Variants in TIE1 observed in about 807,000 individuals in gnomAD.
TIE1 encodes the protein tyrosine kinase with immunoglobulin like and EGF like domains 1.
A neutral mutation model predicts 130.5 loss-of-function variants in TIE1; 89 were observed. The ratio of observed to expected loss-of-function variants is 0.68; its 90% CI spans 0.57 to 0.81. TIE1 has a LOEUF of 0.81. Ranked by LOEUF, TIE1 falls within the 40% of genes least tolerant of loss-of-function variation. TIE1 has a pLI of 0.00. For synonymous variants in TIE1, 568 were observed against 629.4 expected (o/e 0.90, Z 1.46); for missense variants, 1,392 against 1,559.8 (o/e 0.89, Z 1.81).
Position 43,309,083 on chromosome 1 carries a change from C to T in TIE1, c.1140C>T (p.Pro380=), listed in dbSNP as rs745544124. 3.0e-5 allele frequency: 48 copies of T among 1,613,546 alleles called. No individual in the cohort carries two copies. The South Asian group carries it at 3.3e-4, about 11-fold the overall frequency. ...INCAAAGNPF[P]VRGSIELRKP... is the part of the protein sequence containing the mutation. ...GTGCAGCTGCAGGGAACCCCTTCCCCGTGCGGGGCAGCATAGAGCTACGCA... is the reference window on the plus strand; with the variant it reads ...GTGCAGCTGCAGGGAACCCCTTCCCTGTGCGGGGCAGCATAGAGCTACGCA... The change falls in exon 8 of 23, where the codon CCC becomes CCT. Residue 380 remains proline, a synonymous_variant. Transcript: ENST00000372476. The surrounding 1 kb of genome is among the most constrained non-coding windows in gnomAD (Gnocchi z 6.3).
rs1156611691 is a variant in TIE1, at chr1:43,311,808, A to G, written c.1471A>G (p.Met491Val). The G allele has an allele frequency of 6.2e-7, 1 of 1,613,612 alleles. No individual in the cohort carries two copies. The highest frequency in any genetic ancestry group is 1.1e-5 in the South Asian group (1 of 91,034). ...GCACTACCGGCCCCAGGACAGTACCATGGACTGGTCGACCATTGTGGGTGA... is the reference window on the plus strand; with the variant it reads ...GCACTACCGGCCCCAGGACAGTACCGTGGACTGGTCGACCATTGTGGGTGA... ...RLHYRPQDST[M>V]DWSTIVVDPS... is the part of the protein sequence containing the mutation. The change falls in exon 10 of 23, where the codon ATG becomes GTG. Residue 491 changes from methionine (M) to valine (V), a missense_variant. Met to Val is a conservative substitution (Grantham distance 21, BLOSUM62 1). Transcript: ENST00000372476.
Position 43,307,853 on chromosome 1 carries a change from G to A in TIE1, c.971G>A (p.Gly324Asp), listed in dbSNP as rs377710471. ...CGACTCCAGTGCCAGTGTCAGAATG[G>A]TGGCACTTGTGACCGGTTCAGTGGT... The part of the protein sequence containing the change: ...DCRLQCQCQN[G>D]GTCDRFSGCV... The change falls in exon 7 of 23, where the codon GGT becomes GAT. Residue 324 changes from glycine (G) to aspartate (D), a missense_variant. Coordinates refer to ENST00000372476, the MANE Select transcript of TIE1 (RefSeq NM_005424.5). This position sits in a 1 kb window ranked among gnomAD's most constrained non-coding sequence, Gnocchi z 5.4. 5.6e-6 allele frequency: 9 copies of A among 1,614,074 alleles called. No homozygotes were observed. Among genetic ancestry groups the A allele is most frequent in the Non-Finnish European group, 7.6e-6 (9 of 1,180,052 alleles).
In TIE1 at chr1:43,318,748, C is replaced by T. The variant is rs144672723; in HGVS notation, c.2923-487C>T. Among the ~76,000 whole-genome samples the T allele has an allele frequency of 0.012, 1,851 of 152,256 alleles. 35 individuals carry two copies. Among genetic ancestry groups the T allele is most frequent in the African/African-American group, 0.041 (1,720 of 41,540 alleles). On this transcript the variant is annotated intron_variant, in intron 17 of 22. Transcript: ENST00000372476. The surrounding 1 kb of genome is among the most constrained non-coding windows in gnomAD (Gnocchi z 4.4). ...CGAACTCCTGTCCTCGAGTGATCCA[C>T]CCGCCTCAGCCTCCCAAAGTGCTGG...
At chr1:43,305,371 G>C in intron 3 of TIE1, 28 bp downstream of exon 3, 1 of 1,516,100 alleles carries the variant, frequency 6.6e-7, no homozygotes, top group Non-Finnish European at 8.9e-7. Context: ...AACTGGTGGG[G>C]AGGGTAGACC....
rs1446573322 is a variant in TIE1 at position 43,319,344 on chromosome 1, C to T, written c.3032C>T (p.Thr1011Met). Residue 1011 changes from threonine (T) to methionine (M), a missense_variant, in exon 18 of 23, where the codon ACG becomes ATG. Thr to Met is a moderately conservative substitution (Grantham distance 81). Transcript: ENST00000372476. The surrounding 1 kb of genome is among the most constrained non-coding windows in gnomAD (Gnocchi z 4.7). ...GGAGAGGAGGTTTATGTGAAGAAGACGATGGTGAGTCTCATTCAACCCTCA... is the reference window on the plus strand; with the variant it reads ...GGAGAGGAGGTTTATGTGAAGAAGATGATGGTGAGTCTCATTCAACCCTCA... ...SRGEEVYVKK[T>M]MGRLPVRWMA... 1.9e-6 allele frequency: 3 copies of T among 1,613,628 alleles called. No individual in the cohort carries two copies. The highest frequency in any genetic ancestry group is 2.5e-6 in the Non-Finnish European group (3 of 1,179,604).
intron 7 of TIE1, 152 bp from the exon 8 acceptor site, chr1:43,308,834 C>T (rs758577168): frequency 9.7e-5 from 94 of 973,506 alleles, no homozygotes; most frequent in Non-Finnish European, 1.2e-4. Context: ...GGGGCTGGGA[C>T]GCTGGAGGAG....
At chr1:43,321,952 TCCCTA>T (rs1402327587) in intron 22 of TIE1, among the ~76,000 whole-genome samples, 4 of 152,132 alleles carry the variant, frequency 2.6e-5, no homozygotes, top group Admixed American at 2.0e-4. Flanking sequence ...CAACAGCAAA[TCCCTA>T]CCTTAAGCCC....
chr1:43,320,645 G>T (rs1375463789), intron 19 of TIE1: 2 of 152,222 alleles, frequency 1.3e-5, no homozygotes, highest in African/African-American at 2.4e-5. Flanking sequence ...AAGGTCAGGA[G>T]ATCGAGACCA....
In TIE1 at chr1:43,318,094, T is replaced by A. The variant is rs759901661; in HGVS notation, c.2922+22T>A. 4 of 1,521,240 alleles carry A rather than the reference T, an allele frequency of 2.6e-6. No homozygotes were observed. The allele number at this position is 1,521,240 out of a possible 1,614,324, so 94.2% of individuals were successfully genotyped here. A position where few individuals can be genotyped will look rare whatever the true frequency, so the allele number is the denominator to read the frequency against. ...GCAGGTGTGTGTGAGTGGGGGCGGG[T>A]GGAGGCCAGAGGGGGAAGCCACTGG... On this transcript the variant is annotated intron_variant, in intron 17 of 22. Coordinates refer to ENST00000372476, the MANE Select transcript of TIE1 (RefSeq NM_005424.5). This position sits in a 1 kb window ranked among gnomAD's most constrained non-coding sequence, Gnocchi z 4.4.
At chr1:43,314,605 A>G in intron 14 of TIE1, 1 of 948,668 alleles carries the variant, frequency 1.1e-6, no homozygotes, top group Non-Finnish European at 1.3e-6. Flanking sequence ...AGGCGGGTGG[A>G]TCGCCTGAGG....
rs965328555 is a variant in TIE1 at position 43,315,684 on chromosome 1, A to G, written c.2410-1515A>G. On this transcript the variant is annotated intron_variant, in intron 14 of 22. Coordinates refer to ENST00000372476, the MANE Select transcript of TIE1 (RefSeq NM_005424.5). This position sits in a 1 kb window ranked among gnomAD's most constrained non-coding sequence, Gnocchi z 4.4. The stretch of plus-strand genomic sequence containing the variant: ...AAAAAAAAAATCCATTCAGAGATTC[A>G]ATTGGCTTCTTTGTTCCAAGCTGTG... 1.3e-5 allele frequency among the ~76,000 whole-genome samples: 2 copies of G among 152,104 alleles called. No homozygotes were observed. The highest frequency in any genetic ancestry group is 2.9e-5 in the Non-Finnish European group (2 of 67,998).
chr1:43,313,999 G>A lies in TIE1; in HGVS notation c.2409+31G>A. The A allele has an allele frequency of 6.2e-7, 1 of 1,611,612 alleles. No individual in the cohort carries two copies. The highest frequency in any genetic ancestry group is 8.5e-7 in the Non-Finnish European group (1 of 1,178,020). ...TGACCCGCCCCGCCCCTGGGTGCAT[G>A]CTTGCAGCCCGTGTTTATGTTTCTA... On this transcript the variant is annotated intron_variant, in intron 14 of 22. Coordinates refer to ENST00000372476, the MANE Select transcript of TIE1 (RefSeq NM_005424.5). The surrounding 1 kb of genome is among the most constrained non-coding windows in gnomAD (Gnocchi z 6.2).
rs565184651 is a variant in TIE1, at chr1:43,314,307, C to T, written c.2409+339C>T. 4.6e-5 allele frequency: 48 copies of T among 1,033,532 alleles called. No individual in the cohort carries two copies. In the African/African-American group the frequency reaches 7.3e-4, roughly 16 times the overall value. 64.0% of individuals were successfully genotyped at this position (1,033,532 alleles called of 1,614,324 possible). ...TCTCCCCTCTTTTATTTCTCCCTAG[C>T]GGTTATCTAGGCCTAGATAGCAAGG... On this transcript the variant is annotated intron_variant, in intron 14 of 22. Coordinates refer to ENST00000372476, the MANE Select transcript of TIE1 (RefSeq NM_005424.5).
At chr1:43,304,345 C>T (rs1027065250) in intron 1 of TIE1, among the ~76,000 whole-genome samples, 2 of 152,198 alleles carry the variant, frequency 1.3e-5, no homozygotes, top group African/African-American at 4.8e-5. Context: ...AGAGGGGGAC[C>T]CATGGGACAC....
intron 21 of TIE1, 40 bp from the exon 22 acceptor site, chr1:43,321,576 A>C (rs768480028): frequency 3.9e-6 from 6 of 1,554,554 alleles, no homozygotes; most frequent in Non-Finnish European, 5.2e-6. Flanking sequence ...CCATCACCCC[A>C]GCTGGCCTGA....
intron 1 of TIE1, among the ~76,000 whole-genome samples, 175 bp downstream of exon 1, chr1:43,301,304 CT>C (rs1646667321): frequency 6.6e-6 from 1 of 152,012 alleles, no homozygotes; most frequent in Non-Finnish European, 1.5e-5. Flanking sequence ...AAGATTTTTA[CT>C]TGGTTTTACA....
chr1:43,317,655 G>A lies in TIE1; in HGVS notation c.2712G>A (p.Leu904=), dbSNP rs1450027085. The change falls in exon 16 of 23, where the codon CTG becomes CTA. Residue 904 remains leucine, a synonymous_variant. Transcript: ENST00000372476. The surrounding 1 kb of genome is among the most constrained non-coding windows in gnomAD (Gnocchi z 5.1). The part of the protein sequence containing the change: ...LGHHPNIINL[L]GACKNRGYLY... ...ATCACCCCAACATCATCAACCTCCT[G>A]GGGGCCTGTAAGAACCGAGGTGAGC... is the stretch of plus-strand genomic sequence containing the variant. 2 of 1,593,300 alleles carry A rather than the reference G, an allele frequency of 1.3e-6. No individual in the cohort carries two copies. The highest frequency in any genetic ancestry group is 1.7e-5 in the Admixed American group (1 of 57,838).
rs1228153228 is a variant in TIE1, at chr1:43,315,242, G to T, written c.2409+1274G>T. On this transcript the variant is annotated intron_variant, in intron 14 of 22. Coordinates refer to ENST00000372476, the MANE Select transcript of TIE1 (RefSeq NM_005424.5). This position sits in a 1 kb window ranked among gnomAD's most constrained non-coding sequence, Gnocchi z 4.4. The stretch of plus-strand genomic sequence containing the variant: ...CTTGGCCTTCCAGGCCTGGACTCTT[G>T]ATATTTAGAGCTAAGCTTTGGCATT... 1 of 152,238 alleles carries T rather than the reference G, an allele frequency of 6.6e-6. No individual in the cohort carries two copies. Among genetic ancestry groups the T allele is most frequent in the Non-Finnish European group, 1.5e-5 (1 of 68,064 alleles). The allele number at this position is 152,238 out of a possible 1,614,324, so 9.4% of individuals were successfully genotyped here.
rs139643160 is a variant in TIE1, at chr1:43,313,617, G to A, written c.2219-161G>A. ...GTCCCAGGGCTGGGAAAATCATGTC[G>A]CCCCTCTGACACCCCTCATCCCTTC... On this transcript the variant is annotated intron_variant, in intron 13 of 22. Transcript: ENST00000372476. The surrounding 1 kb of genome is among the most constrained non-coding windows in gnomAD (Gnocchi z 6.2). The A allele has an allele frequency of 1.6e-3, 1,644 of 1,053,644 alleles. 19 individuals carry two copies. In the African/African-American group the frequency reaches 0.023, roughly 15 times the overall value. The allele number at this position is 1,053,644 out of a possible 1,614,324, so 65.3% of individuals were successfully genotyped here. A position where few individuals can be genotyped will look rare whatever the true frequency, so the allele number is the denominator to read the frequency against.
Sources: allele counts gnomAD v4.1 joint callset (sites outside exome capture counted in the v4.1 genomes callset), GRCh38; gene constraint gnomAD v4.1.1; non-coding constraint Gnocchi (gnomAD v3.1); transcripts MANE v1.5; gene names NCBI Gene and HGNC (gene_info 2026-07-23, HGNC 2026-07-21).